Variants in BABAM2 observed in about 807,000 individuals in gnomAD.
The protein encoded by BABAM2 is BRISC and BRCA1 A complex member 2, also known as BRISC and BRCA1-A complex member 2.
Under a neutral mutation model 54.7 loss-of-function variants are expected in BABAM2, and 31 were observed. The ratio of observed to expected loss-of-function variants is 0.57; its 90% CI spans 0.43 to 0.77. The LOEUF is 0.77. BABAM2 is among the 30% of genes least tolerant of loss of function. BABAM2 has a pLI of 0.00. For missense variants in BABAM2, 364 were observed against 455.8 expected (o/e 0.80, Z 1.83); for synonymous variants, 167 against 162.9 (o/e 1.03, Z -0.19).
chr2:28,298,462 G>A lies in BABAM2; in HGVS notation c.1059G>A (p.Trp353Ter). 6.2e-7 allele frequency: 1 copy of A among 1,614,122 alleles called. No homozygotes were observed. The highest frequency in any genetic ancestry group is 8.5e-7 in the Non-Finnish European group (1 of 1,179,998). Residue 353 changes from tryptophan (W) to a stop codon, truncating the protein, a stop_gained, in exon 11 of 12, where the codon TGG (tryptophan) becomes TGA (stop). Transcript: ENST00000379624. LOFTEE classifies it high-confidence loss of function. ...AQKNYPYSPR[W>*]DGNEMAKRAK... Reference sequence around the variant, plus strand: ...AAAATTATCCGTACAGCCCCAGATGGGATGGAAATGAAATGGCCAAAAGAG... The same window carrying A: ...AAAATTATCCGTACAGCCCCAGATGAGATGGAAATGAAATGGCCAAAAGAG...
intron 4 of BABAM2, among the ~76,000 whole-genome samples, chr2:27,998,008 C>G (rs1182526416): frequency 6.6e-6 from 1 of 152,078 alleles, no homozygotes; most frequent in Non-Finnish European, 1.5e-5. Flanking sequence ...CAAAAATTAG[C>G]TGGGCATGGT....
Position 28,129,358 on chromosome 2 carries a change from T to C in BABAM2, c.658T>C (p.Tyr220His). 6.2e-7 allele frequency: 1 copy of C among 1,613,968 alleles called. No individual in the cohort carries two copies. The highest frequency in any genetic ancestry group is 1.1e-5 in the South Asian group (1 of 91,080). ...TEATQVYPKLYLSPRIEHALG... is the reference protein window; with the variant it reads ...TEATQVYPKLHLSPRIEHALG... ...AGCCACCCAGGTGTACCCCAAGCTG[T>C]ACTTGTCACCTCGAATTGAGCAGTA... is the stretch of plus-strand genomic sequence containing the variant. The change falls in exon 7 of 12, where the codon TAC (tyrosine) becomes CAC (histidine). Residue 220 changes from tyrosine (Y) to histidine (H), a missense_variant. By Grantham distance (83) the Tyr-to-His change is moderately conservative. Coordinates refer to ENST00000379624, the MANE Select transcript of BABAM2 (RefSeq NM_199191.3).
intron 6 of BABAM2, among the ~76,000 whole-genome samples, chr2:28,071,984 C>A (rs1158208283): frequency 6.6e-6 from 1 of 152,156 alleles, no homozygotes; most frequent in African/African-American, 2.4e-5. Flanking sequence ...TATTTCATGA[C>A]CCAAATCTGA....
chr2:28,120,428 T>C lies in BABAM2; in HGVS notation c.571-8843T>C, dbSNP rs75708827. ...TGCTGAGTCTCTTCTTTGTGCCCAA[T>C]AGCATCCTAGAGGATATAGTATCAT... is the stretch of plus-strand genomic sequence containing the variant. On this transcript the variant is annotated intron_variant, in intron 6 of 11. Transcript: ENST00000379624. Among the ~76,000 whole-genome samples the C allele has an allele frequency of 5.4e-3, 825 of 152,294 alleles. 10 individuals are homozygous for C. Among genetic ancestry groups the C allele is most frequent in the African/African-American group, 0.018 (768 of 41,552 alleles).
intron 6 of BABAM2, among the ~76,000 whole-genome samples, chr2:28,105,860 C>T (rs1407378567): frequency 6.6e-6 from 1 of 151,444 alleles, no homozygotes; most frequent in Non-Finnish European, 1.5e-5. Context: ...CATAATTTAT[C>T]ATGCAACTTA....
At chr2:28,244,083 G>A (rs1444493735) in intron 9 of BABAM2, among the ~76,000 whole-genome samples, 1 of 152,122 alleles carries the variant, frequency 6.6e-6, no homozygotes, top group African/African-American at 2.4e-5. Context: ...CCCATTCAGA[G>A]GTCAGGGGAT....
intron 6 of BABAM2, among the ~76,000 whole-genome samples, chr2:28,128,103 C>T (rs746445745): frequency 9.2e-5 from 14 of 152,128 alleles, no homozygotes; most frequent in East Asian, 5.8e-4. Flanking sequence ...TGAGCCACCG[C>T]GCCCAGCCGA....
At chr2:27,985,943 A>G (rs114576595) in intron 3 of BABAM2, among the ~76,000 whole-genome samples, 6 of 152,316 alleles carry the variant, frequency 3.9e-5, no homozygotes, top group Non-Finnish European at 8.8e-5. Context: ...TTAATTTCAG[A>G]AGTAACAATG....
chr2:28,172,108 TG>T, intron 7 of BABAM2, among the ~76,000 whole-genome samples: 1 of 149,678 alleles, frequency 6.7e-6, no homozygotes, highest in Non-Finnish European at 1.5e-5. Flanking sequence ...TGTGTGTGTG[TG>T]TGTGTGGTGT....
At chr2:27,933,335 T>A (rs1448675788) in intron 3 of BABAM2, among the ~76,000 whole-genome samples, 1 of 152,122 alleles carries the variant, frequency 6.6e-6, no homozygotes, top group Non-Finnish European at 1.5e-5. Context: ...TAATGGCAAT[T>A]CTTATGCTAA....
chr2:28,285,592 A>G (rs953802395), intron 10 of BABAM2, among the ~76,000 whole-genome samples: 1 of 152,196 alleles, frequency 6.6e-6, no homozygotes, highest in African/African-American at 2.4e-5. Flanking sequence ...CTTCTGCCAG[A>G]TATTTGATTT....
upstream of BABAM2, chr2:27,890,433 A>T: frequency 7.6e-7 from 1 of 1,315,118 alleles, no homozygotes; most frequent in Non-Finnish European, 1.1e-6. The surrounding 1 kb of genome is among the most constrained non-coding windows in gnomAD (Gnocchi z 4.8). Flanking sequence ...TGCCCTCCCT[A>T]ACGACGCGGG....
intron 7 of BABAM2, among the ~76,000 whole-genome samples, chr2:28,156,916 A>G (rs1421585413): frequency 6.6e-6 from 1 of 152,208 alleles, no homozygotes; most frequent in African/African-American, 2.4e-5. Flanking sequence ...AATATGATTC[A>G]CCATTCAATT....
At chr2:27,922,786 T>C (rs1158150650) in intron 2 of BABAM2, among the ~76,000 whole-genome samples, 1 of 152,220 alleles carries the variant, frequency 6.6e-6, no homozygotes, top group East Asian at 1.9e-4. Flanking sequence ...GAGACAAATT[T>C]GAAATTATAC....
At chr2:28,130,506 G>A (rs574909188) in intron 7 of BABAM2, among the ~76,000 whole-genome samples, 4 of 152,252 alleles carry the variant, frequency 2.6e-5, no homozygotes, top group African/African-American at 7.2e-5. Context: ...AGGCTGGAGT[G>A]TAGTGGCATG....
At chr2:27,910,681 A>G (rs958420996) in intron 2 of BABAM2, among the ~76,000 whole-genome samples, 1 of 152,140 alleles carries the variant, frequency 6.6e-6, no homozygotes, top group Non-Finnish European at 1.5e-5. Context: ...ACTGCACAAA[A>G]TGGCATTTTG....
chr2:28,120,726 A>T (rs913535910), intron 6 of BABAM2, among the ~76,000 whole-genome samples: 1 of 152,240 alleles, frequency 6.6e-6, no homozygotes, highest in African/African-American at 2.4e-5. Context: ...TATTTGGAAT[A>T]TAAAATATAT....
At chr2:28,227,227 G>T (rs908646922) in intron 7 of BABAM2, among the ~76,000 whole-genome samples, 3 of 151,728 alleles carry the variant, frequency 2.0e-5, no homozygotes, top group African/African-American at 4.9e-5. Context: ...TTCCTTTGCA[G>T]TTCACCATTG....
chr2:28,209,074 A>T (rs75991121), intron 7 of BABAM2, among the ~76,000 whole-genome samples: 2,994 of 152,284 alleles, frequency 0.02, 93 homozygotes, highest in African/African-American at 0.068. Context: ...TCCCTAGCAA[A>T]TTATTTGCAA....
Sources: gnomAD v4.1 joint callset for allele counts (sites outside exome capture counted in the v4.1 genomes callset) on GRCh38, gnomAD v4.1.1 for gene constraint, Gnocchi (gnomAD v3.1) non-coding constraint, MANE v1.5 for transcripts, NCBI Gene and HGNC (gene_info 2026-07-23, HGNC 2026-07-21) for gene names.